SYNE1: variants seen among roughly 807,000 people sequenced by gnomAD.
SYNE1 encodes the protein nesprin-1.
Under a neutral mutation model 1,111.0 loss-of-function variants are expected in SYNE1, and 616 were observed. That is an observed-to-expected ratio of 0.55 (90% CI 0.52 to 0.59). SYNE1 has a LOEUF of 0.59. Ranked by LOEUF, SYNE1 falls within the 20% of genes least tolerant of loss-of-function variation. The probability of loss-of-function intolerance (pLI) is 0.00; values close to 1 mark genes in which losing one functional copy is unlikely to be tolerated. For synonymous variants in SYNE1, 3,855 were observed against 3,825.8 expected (o/e 1.01, Z -0.28); for missense variants, 10,006 against 10,417.0 (o/e 0.96, Z 1.72).
chr6:152,152,086 TG>T lies in SYNE1; in HGVS notation c.24184del (p.Gln8062SerfsTer85). On this transcript the variant is annotated frameshift_variant, in exon 134 of 146. Transcript: ENST00000367255. LOFTEE classifies it high-confidence loss of function. ...CLTQLELINK[Q>X]YRRLARENRT... is the part of the protein sequence containing the mutation. Reference sequence around the variant, plus strand: ...GTTCTCCCTGGCCAGGCGGCGGTACTGCTTGTTGATCAGTTCCAGCTGCGTC... The same window carrying T: ...GTTCTCCCTGGCCAGGCGGCGGTACTCTTGTTGATCAGTTCCAGCTGCGTC... 6.2e-7 allele frequency: 1 copy of T among 1,614,226 alleles called. No individual in the cohort carries two copies.
intron 95 of SYNE1, among the ~76,000 whole-genome samples, chr6:152,289,344 T>A (rs778633179): frequency 1.2e-4 from 18 of 152,150 alleles, no homozygotes; most frequent in Non-Finnish European, 2.5e-4. Flanking sequence ...ATAGTAAGGG[T>A]GAAAAGAAAC....
Position 152,465,998 on chromosome 6 carries a change from G to T in SYNE1, c.1713C>A (p.Val571=). The part of the protein sequence containing the change: ...QILKQTAEMY[V]KADGSVEEAE... ...ATGTTTTACCTGAACCATCTGCTTT[G>T]ACATACATCTCAGCTGTCTGTTTCA... Residue 571 remains valine, a synonymous_variant, in exon 17 of 146, where the codon GTC becomes GTA. Transcript: ENST00000367255. The T allele has an allele frequency of 6.2e-7, 1 of 1,611,822 alleles. No individual in the cohort carries two copies. Among genetic ancestry groups the T allele is most frequent in the South Asian group, 1.1e-5 (1 of 90,984 alleles).
At chr6:152,365,658 G>T (rs2097060845) in intron 62 of SYNE1, among the ~76,000 whole-genome samples, 2 of 150,700 alleles carry the variant, frequency 1.3e-5, no homozygotes, top group African/African-American at 4.9e-5. Flanking sequence ...GTAAAGGTGA[G>T]GTCGATGCCC....
chr6:152,321,314 C>T lies in SYNE1; in HGVS notation c.16160G>A (p.Gly5387Asp). 1.2e-6 allele frequency: 2 copies of T among 1,613,842 alleles called. No homozygotes were observed. The highest frequency in any genetic ancestry group is 1.7e-6 in the Non-Finnish European group (2 of 1,179,910). Residue 5387 changes from glycine (G) to aspartate (D), a missense_variant, in exon 84 of 146, where the codon GGT becomes GAT. Physicochemically the swap from Gly to Asp is moderately conservative, Grantham distance 94. Around this residue, in one of 7 missense-constraint regions of SYNE1, gnomAD observed 4,955 missense variants for 5,017.2 expected, o/e 0.99. Coordinates refer to ENST00000367255, the MANE Select transcript of SYNE1 (RefSeq NM_182961.4). ...MAEEQKEKYL[G>D]LYTILPSELS... ...TTCAGAAGGTAATATGGTATAAAGA[C>T]CTAAGTACTTCTCCTTCTGTTCTTC...
intron 6 of SYNE1, among the ~76,000 whole-genome samples, chr6:152,519,847 C>A (rs1178593703): frequency 6.6e-6 from 1 of 152,072 alleles, no homozygotes; most frequent in Non-Finnish European, 1.5e-5. Context: ...TTAATGTAAC[C>A]AGTAATAAGA....
At chr6:152,537,905 A>C (rs1422994450) in intron 4 of SYNE1, among the ~76,000 whole-genome samples, 2 of 152,182 alleles carry the variant, frequency 1.3e-5, no homozygotes, top group East Asian at 3.9e-4. Flanking sequence ...CCTATTATTA[A>C]AGCTATATTT....
At chr6:152,261,208 C>G (rs2091941634) in intron 101 of SYNE1, among the ~76,000 whole-genome samples, 1 of 152,194 alleles carries the variant, frequency 6.6e-6, no homozygotes, top group Non-Finnish European at 1.5e-5. Flanking sequence ...ATACTGCTGA[C>G]TTGGAATGAG....
At chr6:152,479,811 C>T (rs970037413) in intron 14 of SYNE1, among the ~76,000 whole-genome samples, 7 of 152,114 alleles carry the variant, frequency 4.6e-5, no homozygotes, top group African/African-American at 7.2e-5. Context: ...TACATATATA[C>T]GTTAATTTTT....
At chr6:152,226,437 T>C (rs1329832214) in intron 115 of SYNE1, among the ~76,000 whole-genome samples, 1 of 152,152 alleles carries the variant, frequency 6.6e-6, no homozygotes, top group East Asian at 1.9e-4. Context: ...TGTATGATCC[T>C]CTCTCTCTAA....
Position 152,369,028 on chromosome 6 carries a change from T to G in SYNE1, c.9751A>C (p.Arg3251=), listed in dbSNP as rs1333938818. The change falls in exon 61 of 146, where the codon AGG becomes CGG. Residue 3251 remains arginine (R), a synonymous_variant. Coordinates refer to ENST00000367255, the MANE Select transcript of SYNE1 (RefSeq NM_182961.4). ...WEGQAASKSF[R]HRVSQLSSQY... is the part of the protein sequence containing the mutation. ...GAAGACAGCTGCGACACTCTGTGCC[T>G]AAAGCTCTTGCTGGCAGCTTGTCCT... 6.2e-7 allele frequency: 1 copy of G among 1,614,240 alleles called. No homozygotes were observed. The highest frequency in any genetic ancestry group is 8.5e-7 in the Non-Finnish European group (1 of 1,180,048).
At chr6:152,500,697 C>T (rs1241202947) in intron 10 of SYNE1, among the ~76,000 whole-genome samples, 1 of 152,036 alleles carries the variant, frequency 6.6e-6, no homozygotes, top group Admixed American at 6.5e-5. Flanking sequence ...CGCCTGTAAT[C>T]CCAGCACTTT....
intron 34 of SYNE1, among the ~76,000 whole-genome samples, chr6:152,431,183 T>C (rs1360805238): frequency 1.3e-5 from 2 of 152,200 alleles, no homozygotes; most frequent in Non-Finnish European, 2.9e-5. Context: ...CACACCTACC[T>C]AAAAGTAGTT....
intron 10 of SYNE1, among the ~76,000 whole-genome samples, chr6:152,501,072 T>C (rs2099027512): frequency 6.6e-6 from 1 of 152,226 alleles, no homozygotes; most frequent in African/African-American, 2.4e-5. Flanking sequence ...CAGACAGTTT[T>C]TCACACATCT....
At position 152,569,718 on chromosome 6, in the gene SYNE1, G is replaced by C. The variant is rs140184288; in HGVS notation, c.68-29697C>G. Among the ~76,000 whole-genome samples the C allele has an allele frequency of 6.2e-3, 946 of 152,288 alleles. 6 individuals carry two copies. The highest frequency in any genetic ancestry group is 0.012 in the Non-Finnish European group (783 of 68,014). ...CTCTCAAATACTCTGCCAGTGGAGA[G>C]CCACACGTATAATTAATTCAGAGAT... On this transcript the variant is annotated intron_variant, in intron 3 of 145. Coordinates refer to ENST00000367255, the MANE Select transcript of SYNE1 (RefSeq NM_182961.4).
chr6:152,227,679 T>C (rs2081909486), intron 115 of SYNE1, among the ~76,000 whole-genome samples: 1 of 152,164 alleles, frequency 6.6e-6, no homozygotes, highest in Admixed American at 6.5e-5. Context: ...GATTCTAAAA[T>C]TCAACAATTA....
At chr6:152,436,215 T>C in intron 32 of SYNE1, 114 bp from the exon 33 acceptor site, 1 of 1,073,674 alleles carries the variant, frequency 9.3e-7, no homozygotes, top group East Asian at 2.4e-5. Context: ...CATAGAGTCA[T>C]ACATGTATGG....
chr6:152,495,823 G>A (rs1043928290), intron 11 of SYNE1, among the ~76,000 whole-genome samples: 9 of 152,216 alleles, frequency 5.9e-5, no homozygotes, highest in African/African-American at 1.7e-4. Flanking sequence ...ACCCCTTCCC[G>A]TCCCTTGTCC....
chr6:152,254,784 G>GA, intron 104 of SYNE1, 96 bp downstream of exon 104: 1 of 1,140,310 alleles, frequency 8.8e-7, no homozygotes, highest in Non-Finnish European at 1.3e-6. Context: ...TACGCATTTA[G>GA]AAAAACAACA....
rs750754911 is a variant in SYNE1, at chr6:152,472,428, A to C, written c.1351-15T>G. 1.9e-6 allele frequency: 3 copies of C among 1,570,958 alleles called. No homozygotes were observed. Among genetic ancestry groups the C allele is most frequent in the Non-Finnish European group, 2.6e-6 (3 of 1,143,026 alleles). On this transcript the variant is annotated splice_polypyrimidine_tract_variant and intron_variant, in intron 14 of 145. Transcript: ENST00000367255. Reference sequence around the variant, plus strand: ...TGAAGCAGATCCTAAGATACAGTTTAAAAAAAAATAAAAAATGAAAAACAT... The same window carrying C: ...TGAAGCAGATCCTAAGATACAGTTTCAAAAAAAATAAAAAATGAAAAACAT...
Sources: allele counts gnomAD v4.1 joint callset (sites outside exome capture counted in the v4.1 genomes callset), GRCh38; gene constraint gnomAD v4.1.1; regional missense constraint gnomAD v4.1.1; transcripts MANE v1.5; gene names NCBI Gene and HGNC (gene_info 2026-07-23, HGNC 2026-07-21).